ESRRG: variants seen among roughly 807,000 people sequenced by gnomAD.
ESRRG encodes estrogen related receptor gamma.
A neutral mutation model predicts 44.0 loss-of-function variants in ESRRG; 13 were observed. That is an observed-to-expected ratio of 0.30 (90% CI 0.19 to 0.47). ESRRG has a LOEUF of 0.47. Among genes scored for constraint, ESRRG ranks in the 20% least tolerant of loss-of-function variants. The pLI is 1.00. For missense variants in ESRRG, 395 were observed against 580.6 expected, an observed-to-expected ratio of 0.68 and a Z score of 3.29; for synonymous variants, 215 against 214.6, an observed-to-expected ratio of 1.00 and a Z score of -0.02.
intron 1 of ESRRG, among the ~76,000 whole-genome samples, chr1:216,722,058 G>A (rs2086450142): frequency 1.3e-5 from 2 of 152,036 alleles, no homozygotes; most frequent in African/African-American, 2.4e-5. Flanking sequence ...CACTGAGACT[G>A]CAAGTCACTT....
At chr1:216,731,719 A>C (rs1295095783) in intron 2 of ESRRG, among the ~76,000 whole-genome samples, 1 of 152,248 alleles carries the variant, frequency 6.6e-6, no homozygotes, top group Non-Finnish European at 1.5e-5. Flanking sequence ...GTGGTAGATT[A>C]AATTACCAGG....
intron 5 of ESRRG, among the ~76,000 whole-genome samples, chr1:216,560,378 A>G (rs2058490033): frequency 6.6e-6 from 1 of 152,208 alleles, no homozygotes; most frequent in South Asian, 2.1e-4. Flanking sequence ...ATTAATAAAC[A>G]AAGACAATTT....
intron 1 of ESRRG, among the ~76,000 whole-genome samples, chr1:216,965,629 G>C (rs572350699): frequency 2.3e-4 from 35 of 152,094 alleles, no homozygotes; most frequent in Non-Finnish European, 5.0e-4. Context: ...TCCTCCCAGT[G>C]GCTGACTAGT....
chr1:216,519,784 A>G (rs1412279516), intron 5 of ESRRG, among the ~76,000 whole-genome samples: 1 of 151,000 alleles, frequency 6.6e-6, no homozygotes, highest in Non-Finnish European at 1.5e-5. Flanking sequence ...TCTCATCTCT[A>G]AAAACTACTA....
At chr1:216,848,236 A>G (rs2095789350) in intron 2 of ESRRG, among the ~76,000 whole-genome samples, 1 of 152,170 alleles carries the variant, frequency 6.6e-6, no homozygotes, top group Non-Finnish European at 1.5e-5. Context: ...CTCCTCTGTC[A>G]AGTATGCTTC....
At chr1:216,843,586 C>G (rs11117696) in intron 2 of ESRRG, among the ~76,000 whole-genome samples, 2 of 152,062 alleles carry the variant, frequency 1.3e-5, no homozygotes, top group Non-Finnish European at 2.9e-5. Flanking sequence ...GGGACCAAGA[C>G]GCGGATCACA....
intron 1 of ESRRG, among the ~76,000 whole-genome samples, chr1:216,690,722 T>TA (rs1307024383): frequency 6.6e-6 from 1 of 152,156 alleles, no homozygotes; most frequent in Non-Finnish European, 1.5e-5. Flanking sequence ...AGATCTAGAA[T>TA]ATTCTTTTAT....
At chr1:217,075,725 T>A (rs1446400559) in intron 1 of ESRRG, among the ~76,000 whole-genome samples, 1 of 152,070 alleles carries the variant, frequency 6.6e-6, no homozygotes, top group Non-Finnish European at 1.5e-5. Flanking sequence ...AGTCTAAGCA[T>A]GCAATAAGGC....
chr1:217,015,081 T>C (rs966831229), intron 1 of ESRRG, among the ~76,000 whole-genome samples: 1 of 152,198 alleles, frequency 6.6e-6, no homozygotes, highest in African/African-American at 2.4e-5. Flanking sequence ...CAGCTTTCTA[T>C]GAACCCGAAT....
upstream of ESRRG, among the ~76,000 whole-genome samples, chr1:217,093,546 G>A (rs1297130185): frequency 6.6e-6 from 1 of 152,032 alleles, no homozygotes; most frequent in African/African-American, 2.4e-5. Context: ...ACTTCAGGAG[G>A]CCAAGGCGGG....
intron 1 of ESRRG, among the ~76,000 whole-genome samples, chr1:217,023,014 G>A (rs1390463499): frequency 6.6e-6 from 1 of 152,144 alleles, no homozygotes; most frequent in Non-Finnish European, 1.5e-5. Context: ...CTAATCTAGT[G>A]TAGAGGCACA....
At chr1:216,785,088 G>A (rs2094077763) in intron 2 of ESRRG, among the ~76,000 whole-genome samples, 1 of 151,766 alleles carries the variant, frequency 6.6e-6, no homozygotes. Context: ...ATAAAAAGTA[G>A]AGTATTAACA....
chr1:216,821,701 T>TA lies in ESRRG; in HGVS notation c.-14+117880dup, dbSNP rs975521934. ...ACCTGCCTCAGGAAAAATAAATAAA[T>TA]AAATAAATAAATAAATAAATAAATA... is the stretch of plus-strand genomic sequence containing the variant. On this transcript the variant is annotated intron_variant, in intron 2 of 7. Transcript: ENST00000359162. Among the ~76,000 whole-genome samples the TA allele has an allele frequency of 5.0e-4, 40 of 80,546 alleles. 5 individuals are homozygous for TA. The highest frequency in any genetic ancestry group is 8.3e-4 in the Admixed American group (6 of 7,186). The allele number at this position is 80,546 out of a possible 152,430, so 52.8% of individuals were successfully genotyped here. A position where few individuals can be genotyped will look rare whatever the true frequency, so the allele number is the denominator to read the frequency against.
intron 2 of ESRRG, among the ~76,000 whole-genome samples, chr1:216,774,927 G>T (rs1474259798): frequency 6.7e-6 from 1 of 150,084 alleles, no homozygotes; most frequent in Non-Finnish European, 1.5e-5. Flanking sequence ...TCAGCCTCTT[G>T]AGTAGCTGGG....
Position 216,895,701 on chromosome 1 carries a change from A to G in ESRRG, c.-14+43881T>C, listed in dbSNP as rs144820459. Among the ~76,000 whole-genome samples, 75 of 152,312 alleles carry G rather than the reference A, an allele frequency of 4.9e-4. 1 individual carries two copies. Among genetic ancestry groups the G allele is most frequent in the African/African-American group, 1.7e-3 (71 of 41,568 alleles). ...AAGCACATTCACTAGCTATAGTCCG[A>G]CTGACCTGAATGAAAATGTGAGTTA... On this transcript the variant is annotated intron_variant, in intron 2 of 7. Coordinates refer to the ESRRG transcript ENST00000359162.
intron 2 of ESRRG, among the ~76,000 whole-genome samples, chr1:216,887,473 G>A (rs1195395894): frequency 1.3e-5 from 2 of 152,148 alleles, no homozygotes; most frequent in East Asian, 3.9e-4. Context: ...TTTACTCTTG[G>A]TTGTTAAACA....
chr1:216,801,454 C>T (rs1245815577), intron 2 of ESRRG, among the ~76,000 whole-genome samples: 1 of 152,160 alleles, frequency 6.6e-6, no homozygotes, highest in East Asian at 1.9e-4. Flanking sequence ...TAACCACTGT[C>T]TTATTCTTTA....
In ESRRG at chr1:217,013,837, A is replaced by G. The variant is rs79454595; in HGVS notation, c.-105-74164T>C. 9.0e-3 allele frequency among the ~76,000 whole-genome samples: 1,316 copies of G among 146,912 alleles called. 17 individuals are homozygous for G. The highest frequency in any genetic ancestry group is 0.029 in the African/African-American group (1,212 of 41,412). On this transcript the variant is annotated intron_variant, in intron 1 of 7. Transcript: ENST00000359162. ...AATTAGAATCTTGTTACCTCCTACC[A>G]TTAAAATGAGGGGCTGAAACATTAG...
intron 1 of ESRRG, among the ~76,000 whole-genome samples, chr1:217,137,070 G>C (rs117068884): frequency 6.6e-6 from 1 of 152,282 alleles, no homozygotes; most frequent in East Asian, 1.9e-4. Context: ...GTAGCTGGGG[G>C]GGAGGGAGCC....
Sources: allele counts gnomAD v4.1 joint callset (sites outside exome capture counted in the v4.1 genomes callset), GRCh38; gene constraint gnomAD v4.1.1; transcripts MANE v1.5; gene names NCBI Gene and HGNC (gene_info 2026-07-23, HGNC 2026-07-21).